ZDHHC3: variants seen among roughly 807,000 people sequenced by gnomAD.
ZDHHC3 encodes palmitoyltransferase ZDHHC3.
ZDHHC3 carries 9 observed loss-of-function variants against 30.6 expected under a neutral mutation model. The ratio of observed to expected loss-of-function variants is 0.29; its 90% CI spans 0.18 to 0.51. The LOEUF (loss-of-function observed/expected upper bound fraction) is 0.51, where lower values mean the gene tolerates loss of function less well. ZDHHC3 is among the 20% of genes least tolerant of loss of function. The pLI, the probability that ZDHHC3 is intolerant of heterozygous loss-of-function variation, is 0.97. For synonymous variants in ZDHHC3, 136 were observed against 140.2 expected (o/e 0.97, Z 0.21); for missense variants, 246 against 384.2 (o/e 0.64, Z 3.01).
At chr3:44,958,108 C>T (rs1302678139) in intron 2 of ZDHHC3, among the ~76,000 whole-genome samples, 3 of 152,146 alleles carry the variant, frequency 2.0e-5, no homozygotes, top group African/African-American at 7.2e-5. Flanking sequence ...GCAAACAGGC[C>T]CCTGCCTGCT....
chr3:44,967,107 T>C (rs1017769165), intron 1 of ZDHHC3, among the ~76,000 whole-genome samples: 1 of 151,788 alleles, frequency 6.6e-6, no homozygotes, highest in African/African-American at 2.4e-5. Flanking sequence ...AAAAAAAAAG[T>C]AAAATATTGT....
In ZDHHC3 at chr3:44,919,023, T is replaced by A. The variant is rs1700410183; in HGVS notation, c.*7666A>T. On this transcript the variant is annotated 3_prime_UTR_variant, in exon 7 of 7. Transcript: ENST00000424952. ...CTTGGGCACTGCTCCTTCACATGAC[T>A]CAAGAAAGATCTCTGTGTATCTAGC... is the stretch of plus-strand genomic sequence containing the variant. 1.0e-6 allele frequency: 1 copy of A among 985,346 alleles called. No individual in the cohort carries two copies. Among genetic ancestry groups the A allele is most frequent in the Admixed American group, 6.1e-5 (1 of 16,262 alleles). The allele number at this position is 985,346 out of a possible 1,614,324, so 61.0% of individuals were successfully genotyped here.
intron 1 of ZDHHC3, among the ~76,000 whole-genome samples, chr3:44,961,833 T>C (rs1314055904): frequency 2.0e-5 from 3 of 152,266 alleles, no homozygotes; most frequent in Admixed American, 6.5e-5. Flanking sequence ...CAATAATGTT[T>C]TGTTGGACCA....
rs1701651274 is a variant in ZDHHC3 at position 44,933,185 on chromosome 3, G to C, written c.543C>G (p.Leu181=). 6.2e-7 allele frequency: 1 copy of C among 1,614,066 alleles called. No individual in the cohort carries two copies. The highest frequency in any genetic ancestry group is 1.7e-5 in the Admixed American group (1 of 60,012). The part of the protein sequence containing the change: ...YFVLFTMYIA[L]ISLHALIMVG... ...CCATGATGAGGGCGTGCAAGGAAAT[G>C]AGAGCTATGTACATCTGAAACAGGA... The change falls in exon 5 of 7, where the codon CTC becomes CTG. Residue 181 remains leucine (L), a synonymous_variant. Coordinates refer to ENST00000424952, the MANE Select transcript of ZDHHC3 (RefSeq NM_001135179.2).
At chr3:44,975,772 T>TCTCTCA (rs1282814843) in intron 1 of ZDHHC3, among the ~76,000 whole-genome samples, 161 bp downstream of exon 1, 11 of 116,772 alleles carry the variant, frequency 9.4e-5, no homozygotes, top group Admixed American at 5.8e-4. Context: ...TCTCTCTCTC[T>TCTCTCA]CACACACACA....
At position 44,924,504 on chromosome 3, in the gene ZDHHC3, T is replaced by C. The variant is rs963764253; in HGVS notation, c.*2185A>G. On this transcript the variant is annotated 3_prime_UTR_variant, in exon 7 of 7. Transcript: ENST00000424952. ...TAGGATATCTGAAGGAACCCCACTC[T>C]ATTGGAAAGATAAGCATAGTATGCA... 1 of 985,404 alleles carries C rather than the reference T, an allele frequency of 1.0e-6. No homozygotes were observed. Among genetic ancestry groups the C allele is most frequent in the Non-Finnish European group, 1.2e-6 (1 of 829,916 alleles). 61.0% of individuals were successfully genotyped at this position (985,404 alleles called of 1,614,324 possible).
chr3:44,945,513 T>C (rs947677699), intron 2 of ZDHHC3, among the ~76,000 whole-genome samples: 4 of 152,196 alleles, frequency 2.6e-5, no homozygotes, highest in Non-Finnish European at 4.4e-5. Context: ...GCCACATTAA[T>C]TCTTTGATTT....
chr3:44,935,813 T>C (rs1411774684), intron 3 of ZDHHC3, among the ~76,000 whole-genome samples: 1 of 152,222 alleles, frequency 6.6e-6, no homozygotes, highest in Non-Finnish European at 1.5e-5. Context: ...GCCAGCCATA[T>C]GCAGAAGGTT....
At chr3:44,964,987 G>A (rs1704814485) in intron 1 of ZDHHC3, among the ~76,000 whole-genome samples, 1 of 152,142 alleles carries the variant, frequency 6.6e-6, no homozygotes, top group Non-Finnish European at 1.5e-5. Context: ...GCGGGGGTAA[G>A]GAAGTCACAG....
At chr3:44,957,239 C>A (rs998691562) in intron 2 of ZDHHC3, among the ~76,000 whole-genome samples, 3 of 152,186 alleles carry the variant, frequency 2.0e-5, no homozygotes, top group Admixed American at 6.5e-5. Flanking sequence ...TTCCAAAATA[C>A]CCTGTTCAAT....
intron 4 of ZDHHC3, chr3:44,933,584 T>C: frequency 1.9e-6 from 1 of 536,318 alleles, no homozygotes. Context: ...TACCTGCACC[T>C]CAGGATTTGA....
chr3:44,972,790 C>G (rs889610123), intron 1 of ZDHHC3, among the ~76,000 whole-genome samples: 1 of 152,176 alleles, frequency 6.6e-6, no homozygotes, highest in Non-Finnish European at 1.5e-5. Flanking sequence ...TACTTTTAGG[C>G]AGGTGTTGTG....
rs1700354344 is a variant in ZDHHC3, at chr3:44,918,399, G to A, written c.*8290C>T. 7 of 985,328 alleles carry A rather than the reference G, an allele frequency of 7.1e-6. No homozygotes were observed. The highest frequency in any genetic ancestry group is 8.4e-6 in the Non-Finnish European group (7 of 829,904). 61.0% of individuals were successfully genotyped at this position (985,328 alleles called of 1,614,324 possible). Reference sequence around the variant, plus strand: ...CAGGGCCCGCCTGGTGGACTGACGTGTTCTCCACCCACCACCCAGCCCTCC... The same window carrying A: ...CAGGGCCCGCCTGGTGGACTGACGTATTCTCCACCCACCACCCAGCCCTCC... On this transcript the variant is annotated 3_prime_UTR_variant, in exon 7 of 7. Transcript: ENST00000424952.
At chr3:44,951,636 C>A (rs1703461608) in intron 2 of ZDHHC3, among the ~76,000 whole-genome samples, 1 of 152,170 alleles carries the variant, frequency 6.6e-6, no homozygotes, top group African/African-American at 2.4e-5. Flanking sequence ...TCCAAGCTTT[C>A]TCCTTGTGTT....
At position 44,923,427 on chromosome 3, in the gene ZDHHC3, G is replaced by A; in HGVS notation, c.*3262C>T. On this transcript the variant is annotated 3_prime_UTR_variant, in exon 7 of 7. Transcript: ENST00000424952. ...TTTGTTAATTTACCTCACCTAAACG[G>A]TTTCTGCATTAGGGGACGGTGGATT... is the stretch of plus-strand genomic sequence containing the variant. The A allele has an allele frequency of 1.0e-6, 1 of 985,392 alleles. No individual in the cohort carries two copies. Among genetic ancestry groups the A allele is most frequent in the Non-Finnish European group, 1.2e-6 (1 of 829,944 alleles). The allele number at this position is 985,392 out of a possible 1,614,324, so 61.0% of individuals were successfully genotyped here.
In ZDHHC3 at chr3:44,926,927, T is replaced by A. The variant is rs1701040717; in HGVS notation, c.742-80A>T. ...GGGGAGGGATGTCCGCAGCGACAGG[T>A]GAATGGAGTAAATGTTTCCTTTTTA... On this transcript the variant is annotated intron_variant, in intron 6 of 6. Coordinates refer to ENST00000424952, the MANE Select transcript of ZDHHC3 (RefSeq NM_001135179.2). 5 of 1,485,408 alleles carry A rather than the reference T, an allele frequency of 3.4e-6. No individual in the cohort carries two copies. In the Admixed American group the frequency reaches 1.2e-4, roughly 35 times the overall value. 92.0% of individuals were successfully genotyped at this position (1,485,408 alleles called of 1,614,324 possible).
intron 1 of ZDHHC3, among the ~76,000 whole-genome samples, chr3:44,962,068 T>C (rs574750134): frequency 6.6e-6 from 1 of 152,364 alleles, no homozygotes; most frequent in East Asian, 1.9e-4. Flanking sequence ...TACAACTCAC[T>C]GTCTCATCCA....
intron 1 of ZDHHC3, among the ~76,000 whole-genome samples, chr3:44,973,723 G>C (rs1414732528): frequency 6.6e-6 from 1 of 152,194 alleles, no homozygotes; most frequent in African/African-American, 2.4e-5. Flanking sequence ...CTCCCAAAGT[G>C]CTGGGATTAC....
chr3:44,932,985 C>T, intron 5 of ZDHHC3, 133 bp downstream of exon 5: 5 of 1,614,138 alleles, frequency 3.1e-6, no homozygotes, highest in Non-Finnish European at 4.2e-6. Context: ...CTGTTCAGTC[C>T]ATAGGCTTTC....
Sources: allele counts gnomAD v4.1 joint callset (sites outside exome capture counted in the v4.1 genomes callset), GRCh38; gene constraint gnomAD v4.1.1; transcripts MANE v1.5; gene names NCBI Gene and HGNC (gene_info 2026-07-23, HGNC 2026-07-21).